The following AKAP13 variants were observed in gnomAD, a reference collection of about 807,000 sequenced individuals.
The protein encoded by AKAP13 is A-kinase anchoring protein 13.
A neutral mutation model predicts 264.5 loss-of-function variants in AKAP13; 80 were observed. The ratio of observed to expected loss-of-function variants is 0.30; its 90% CI spans 0.25 to 0.36. The LOEUF (loss-of-function observed/expected upper bound fraction) is 0.36, where lower values mean the gene tolerates loss of function less well. Among genes scored for constraint, AKAP13 ranks in the 10% least tolerant of loss-of-function variants. The pLI, the probability that AKAP13 is intolerant of heterozygous loss-of-function variation, is 1.00. For synonymous variants in AKAP13, 1,380 were observed against 1,250.2 expected (o/e 1.10, Z -2.19); for missense variants, 3,712 against 3,435.2 (o/e 1.08, Z -2.01).
At chr15:85,694,747 C>T (rs1416467801) in intron 17 of AKAP13, among the ~76,000 whole-genome samples, 1 of 152,248 alleles carries the variant, frequency 6.6e-6, no homozygotes, top group South Asian at 2.1e-4. Context: ...GTCTGGAGTT[C>T]CAGCCAGTCC....
At chr15:85,601,504 C>G (rs182954035) in intron 8 of AKAP13, among the ~76,000 whole-genome samples, 2 of 151,958 alleles carry the variant, frequency 1.3e-5, no homozygotes, top group Non-Finnish European at 2.9e-5. Flanking sequence ...CCTTTTCCCC[C>G]AAAATAAGAA....
intron 5 of AKAP13, among the ~76,000 whole-genome samples, chr15:85,555,122 T>G (rs568996222): frequency 5.3e-5 from 8 of 152,190 alleles, no homozygotes; most frequent in Non-Finnish European, 1.0e-4. Context: ...TATCTGACCA[T>G]AACTAGCCTA....
At chr15:85,559,182 C>G (rs1011551049) in intron 5 of AKAP13, among the ~76,000 whole-genome samples, 2 of 152,154 alleles carry the variant, frequency 1.3e-5, no homozygotes, top group Non-Finnish European at 2.9e-5. Flanking sequence ...CTCAGCCTCA[C>G]TAAGTGGCGT....
At chr15:85,504,743 T>C (rs889960047) in intron 2 of AKAP13, among the ~76,000 whole-genome samples, 1 of 147,226 alleles carries the variant, frequency 6.8e-6, no homozygotes, top group Non-Finnish European at 1.5e-5. Context: ...TTTAGCCAAA[T>C]ATATGGTTTT....
intron 4 of AKAP13, among the ~76,000 whole-genome samples, chr15:85,542,550 A>C (rs1421567704): frequency 6.6e-6 from 1 of 152,218 alleles, no homozygotes; most frequent in Admixed American, 6.5e-5. Context: ...GTGCTTAGTG[A>C]AGAAGTTTAG....
rs751696803 is a variant in AKAP13 at position 85,723,132 on chromosome 15, G to C, written c.6557G>C (p.Gly2186Ala). ...QSLSLVKDVI[G>A]AVDSKVASYE... ...TTGAGCCTGGTGAAGGATGTGATTGGAGCTGTAGACAGCAAAGTGGCAAGT... is the reference window on the plus strand; with the variant it reads ...TTGAGCCTGGTGAAGGATGTGATTGCAGCTGTAGACAGCAAAGTGGCAAGT... Residue 2186 changes from glycine (G) to alanine (A), a missense_variant, in exon 26 of 37, where the codon GGA (glycine) becomes GCA (alanine). Around this residue, in one of 3 missense-constraint regions of AKAP13, gnomAD observed 342 missense variants for 484.3 expected, o/e 0.71. Coordinates refer to ENST00000394518, the MANE Select transcript of AKAP13 (RefSeq NM_007200.5). 2.4e-5 allele frequency: 38 copies of C among 1,614,066 alleles called. No individual in the cohort carries two copies. The Admixed American group carries it at 3.7e-4, about 16-fold the overall frequency.
chr15:85,388,990 G>C (rs558320220), intron 1 of AKAP13, among the ~76,000 whole-genome samples: 26 of 152,274 alleles, frequency 1.7e-4, no homozygotes, highest in African/African-American at 5.8e-4. Flanking sequence ...AAGGCATGAA[G>C]CTCCTGTAGT....
chr15:85,717,652 C>T (rs1323611717), intron 21 of AKAP13, among the ~76,000 whole-genome samples: 1 of 152,146 alleles, frequency 6.6e-6, no homozygotes, highest in Non-Finnish European at 1.5e-5. Flanking sequence ...TTTTCCTTCC[C>T]TTAGACTTTT....
At chr15:85,552,099 G>A (rs552587185) in intron 5 of AKAP13, among the ~76,000 whole-genome samples, 9 of 152,178 alleles carry the variant, frequency 5.9e-5, no homozygotes, top group Non-Finnish European at 1.3e-4. Flanking sequence ...GAAGTTACGC[G>A]ATACAAGAAT....
intron 1 of AKAP13, among the ~76,000 whole-genome samples, chr15:85,471,637 C>G (rs2074964994): frequency 6.6e-6 from 1 of 152,204 alleles, no homozygotes; most frequent in Non-Finnish European, 1.5e-5. Flanking sequence ...GCAAATAGAA[C>G]ATTCCTATCA....
At chr15:85,575,765 C>T (rs1006235614) in intron 6 of AKAP13, among the ~76,000 whole-genome samples, 1 of 152,076 alleles carries the variant, frequency 6.6e-6, no homozygotes, top group Non-Finnish European at 1.5e-5. Flanking sequence ...AGGGCCAACA[C>T]AGGTGGATCA....
chr15:85,561,070 T>C (rs2151262549), intron 5 of AKAP13, among the ~76,000 whole-genome samples: 1 of 150,898 alleles, frequency 6.6e-6, no homozygotes, highest in Non-Finnish European at 1.5e-5. Context: ...TTTTTTTTTT[T>C]TTTTTTAAGA....
At chr15:85,629,800 G>T (rs1248179787) in intron 8 of AKAP13, among the ~76,000 whole-genome samples, 1 of 43,812 alleles carries the variant, frequency 2.3e-5, no homozygotes, top group East Asian at 5.1e-4. Context: ...TTTTTTTTGA[G>T]ACAGTGTCTG....
chr15:85,656,244 T>C (rs2083087013), intron 11 of AKAP13, among the ~76,000 whole-genome samples: 1 of 152,218 alleles, frequency 6.6e-6, no homozygotes, highest in Admixed American at 6.5e-5. Context: ...TAAAACCATC[T>C]GTTTCTAATA....
In AKAP13 at chr15:85,745,965, CT is replaced by C; in HGVS notation, c.*1292del. The stretch of plus-strand genomic sequence containing the variant: ...TGCCTGCTGCTCGGCTTTGCTTTTG[CT>C]TTTCCCACCGTGTTTTCATCTTTGT... On this transcript the variant is annotated 3_prime_UTR_variant, in exon 37 of 37. Coordinates refer to ENST00000394518, the MANE Select transcript of AKAP13 (RefSeq NM_007200.5). 6.5e-6 allele frequency: 1 copy of C among 152,694 alleles called. No individual in the cohort carries two copies. The highest frequency in any genetic ancestry group is 1.5e-5 in the Non-Finnish European group (1 of 68,302). 9.5% of individuals were successfully genotyped at this position (152,694 alleles called of 1,614,324 possible).
intron 17 of AKAP13, among the ~76,000 whole-genome samples, chr15:85,700,885 G>A (rs1319973132): frequency 1.3e-5 from 2 of 152,010 alleles, no homozygotes; most frequent in African/African-American, 4.8e-5. Flanking sequence ...TCTGTGTCAT[G>A]TACTCAAAAT....
chr15:85,677,714 C>T (rs1221416799), intron 14 of AKAP13, among the ~76,000 whole-genome samples: 1 of 149,864 alleles, frequency 6.7e-6, no homozygotes, highest in Non-Finnish European at 1.5e-5. Flanking sequence ...TGCAGTGGCG[C>T]GATCTTGCCT....
chr15:85,500,372 TA>T (rs1213052164), intron 2 of AKAP13, among the ~76,000 whole-genome samples: 1 of 152,194 alleles, frequency 6.6e-6, no homozygotes, highest in Non-Finnish European at 1.5e-5. Flanking sequence ...ACCTATGAAT[TA>T]GGTTTGAGAC....
chr15:85,393,796 A>G (rs2070982297), intron 1 of AKAP13, among the ~76,000 whole-genome samples: 1 of 152,218 alleles, frequency 6.6e-6, no homozygotes, highest in African/African-American at 2.4e-5. Flanking sequence ...GTTTTATTAT[A>G]TATGCCATAA....
Sources: allele counts gnomAD v4.1 joint callset (sites outside exome capture counted in the v4.1 genomes callset), GRCh38; gene constraint gnomAD v4.1.1; regional missense constraint gnomAD v4.1.1; transcripts MANE v1.5; gene names NCBI Gene and HGNC (gene_info 2026-07-23, HGNC 2026-07-21).